The following ZFAND6 variants were observed in gnomAD, a reference collection of about 807,000 sequenced individuals.
ZFAND6 encodes the protein zinc finger AN1-type containing 6, also known as AN1-type zinc finger protein 6.
In ZFAND6, 12 loss-of-function variants were observed where a neutral mutation model predicts 24.5. The ratio of observed to expected loss-of-function variants is 0.49; its 90% confidence interval spans 0.31 to 0.79. ZFAND6 has a LOEUF of 0.79. Among genes scored for constraint, ZFAND6 ranks in the 30% least tolerant of loss-of-function variants. The pLI is 0.04. For missense variants in ZFAND6, 207 were observed against 245.9 expected (o/e 0.84, Z 1.06); for synonymous variants, 92 against 81.5 (o/e 1.13, Z -0.69).
intron 1 of ZFAND6, among the ~76,000 whole-genome samples, chr15:80,065,371 C>T (rs79259369): frequency 0.012 from 1,789 of 151,542 alleles, 17 homozygotes; most frequent in Non-Finnish European, 0.016. Flanking sequence ...TGATTTGGTA[C>T]CAGTGTACAC....
intron 2 of ZFAND6, among the ~76,000 whole-genome samples, chr15:80,106,934 C>T (rs560108228): frequency 2.0e-5 from 3 of 152,230 alleles, no homozygotes; most frequent in East Asian, 1.9e-4. Context: ...ATAAAAGGGC[C>T]GGGCGCAGTG....
rs373658028 is a variant in ZFAND6 at position 80,125,884 on chromosome 15, A to G, written c.364+3084A>G. 3.0e-4 allele frequency among the ~76,000 whole-genome samples: 45 copies of G among 152,228 alleles called. 1 individual carries two copies. The highest frequency in any genetic ancestry group is 2.6e-4 in the Admixed American group (4 of 15,290). ...TCATTACTCTTAAAAGAGAATAAGA[A>G]TGTCCCTCTTACAGGGTATTAAAAG... On this transcript the variant is annotated intron_variant, in intron 5 of 6. Transcript: ENST00000261749.
chr15:80,074,438 C>G (rs2037150696), intron 1 of ZFAND6, among the ~76,000 whole-genome samples: 3 of 151,612 alleles, frequency 2.0e-5, no homozygotes, highest in Admixed American at 2.0e-4. Flanking sequence ...ATATCAGAAA[C>G]ATTTTTAGGA....
intron 1 of ZFAND6, among the ~76,000 whole-genome samples, chr15:80,065,296 G>C (rs551336686): frequency 4.6e-4 from 70 of 150,670 alleles, no homozygotes; most frequent in African/African-American, 1.7e-3. Context: ...TTGAAATAAA[G>C]CTGCCTTTAT....
rs1334599323 is a variant in ZFAND6 at position 80,065,036 on chromosome 15, A to T, written c.-181+5227A>T. Among the ~76,000 whole-genome samples the T allele has an allele frequency of 2.7e-5, 4 of 149,542 alleles. No homozygotes were observed. The East Asian group carries it at 7.8e-4, about 29-fold the overall frequency. On this transcript the variant is annotated intron_variant, in intron 1 of 6. Transcript: ENST00000261749. ...TTTTTTTTTTTTAACAAAACAAAAA[A>T]ACAGGCAAGGGTTTTTACTTTTTAA...
At chr15:80,120,024 T>G (rs1225198371) in intron 2 of ZFAND6, among the ~76,000 whole-genome samples, 1 of 152,212 alleles carries the variant, frequency 6.6e-6, no homozygotes, top group Non-Finnish European at 1.5e-5. Flanking sequence ...CTAGACTTAA[T>G]AAGTTATCCT....
intron 1 of ZFAND6, among the ~76,000 whole-genome samples, chr15:80,069,563 C>T (rs1288557609): frequency 6.6e-6 from 1 of 152,086 alleles, no homozygotes; most frequent in Non-Finnish European, 1.5e-5. Flanking sequence ...AGAGATACAC[C>T]AGGAATTGCA....
intron 5 of ZFAND6, among the ~76,000 whole-genome samples, chr15:80,127,816 G>A (rs1209583157): frequency 6.6e-6 from 1 of 152,108 alleles, no homozygotes; most frequent in Admixed American, 6.5e-5. Context: ...AAAAAGAATT[G>A]TCATATGACC....
At chr15:80,091,667 C>A in intron 1 of ZFAND6, among the ~76,000 whole-genome samples, 1 of 151,814 alleles carries the variant, frequency 6.6e-6, no homozygotes, top group African/African-American at 2.4e-5. Context: ...GAGACAGGAT[C>A]TTGCTCTTGT....
intron 6 of ZFAND6, among the ~76,000 whole-genome samples, chr15:80,131,766 T>C (rs1332256533): frequency 6.6e-6 from 1 of 152,174 alleles, no homozygotes; most frequent in Non-Finnish European, 1.5e-5. Context: ...CAGATGCAGA[T>C]GGTGGTGGGA....
rs140614607 is a variant in ZFAND6, at chr15:80,116,531, C to A, written c.-17-3797C>A. Among the ~76,000 whole-genome samples the A allele has an allele frequency of 2.5e-3, 373 of 152,230 alleles. 4 individuals carry two copies. Among genetic ancestry groups the A allele is most frequent in the African/African-American group, 8.4e-3 (347 of 41,530 alleles). On this transcript the variant is annotated intron_variant, in intron 2 of 6. Coordinates refer to ENST00000261749, the MANE Select transcript of ZFAND6 (RefSeq NM_019006.4). ...AAAAGTCTGCCTTAATAACAACATT[C>A]TAGTAGTTGCTTTGGCATTCAATCT...
At chr15:80,080,198 T>C (rs184661240) in intron 1 of ZFAND6, among the ~76,000 whole-genome samples, 3 of 152,132 alleles carry the variant, frequency 2.0e-5, no homozygotes, top group South Asian at 4.1e-4. Flanking sequence ...GGTTTCACCA[T>C]GTTGGCCAGG....
intron 1 of ZFAND6, among the ~76,000 whole-genome samples, chr15:80,062,475 A>G (rs1360168128): frequency 6.6e-6 from 1 of 152,216 alleles, no homozygotes; most frequent in Non-Finnish European, 1.5e-5. Flanking sequence ...CACAGCGACA[A>G]ATTAGGGAAT....
chr15:80,132,541 A>G (rs571952824), intron 6 of ZFAND6, among the ~76,000 whole-genome samples: 16 of 152,280 alleles, frequency 1.1e-4, no homozygotes, highest in African/African-American at 3.1e-4. Context: ...GCCACCTCCT[A>G]TTGCTATTGC....
chr15:80,111,515 T>C (rs1246167951), intron 2 of ZFAND6: 3 of 455,990 alleles, frequency 6.6e-6, no homozygotes. Flanking sequence ...AATCAGAAGT[T>C]TTCTAGAATC....
At chr15:80,095,586 T>C (rs1343788683) in intron 1 of ZFAND6, among the ~76,000 whole-genome samples, 1 of 152,240 alleles carries the variant, frequency 6.6e-6, no homozygotes, top group Non-Finnish European at 1.5e-5. Context: ...AATTCAGATA[T>C]TTAATGGATT....
chr15:80,089,259 G>GTTTTTTTT lies in ZFAND6; in HGVS notation c.-180-9139_-180-9132dup, dbSNP rs71453501. ...TCTGTCTTCGTGTGTGAGTGTGTGTGTTTTTTTTTTTTTTTTTTTTTTTTT... is the reference window on the plus strand; with the variant it reads ...TCTGTCTTCGTGTGTGAGTGTGTGTGTTTTTTTTTTTTTTTTTTTTTTTTTTTTTTTTT... On this transcript the variant is annotated intron_variant, in intron 1 of 6. Transcript: ENST00000261749. Among the ~76,000 whole-genome samples the GTTTTTTTT allele has an allele frequency of 4.7e-4, 29 of 61,104 alleles. 1 individual carries two copies. Among genetic ancestry groups the GTTTTTTTT allele is most frequent in the Non-Finnish European group, 5.3e-4 (19 of 35,554 alleles). 40.1% of individuals were successfully genotyped at this position (61,104 alleles called of 152,430 possible). A position where few individuals can be genotyped will look rare whatever the true frequency, so the allele number is the denominator to read the frequency against.
intron 6 of ZFAND6, among the ~76,000 whole-genome samples, chr15:80,134,430 T>G (rs913704695): frequency 1.3e-5 from 2 of 152,208 alleles, no homozygotes; most frequent in Non-Finnish European, 2.9e-5. Context: ...GTAAAGACCT[T>G]TCAGGCTCAT....
chr15:80,080,164 A>G (rs1169603145), intron 1 of ZFAND6, among the ~76,000 whole-genome samples: 1 of 151,588 alleles, frequency 6.6e-6, no homozygotes, highest in Admixed American at 6.6e-5. Context: ...TGACCAGCTA[A>G]TTTTTGTATT....
Sources: gnomAD v4.1 joint callset for allele counts (sites outside exome capture counted in the v4.1 genomes callset) on GRCh38, gnomAD v4.1.1 for gene constraint, MANE v1.5 for transcripts, NCBI Gene and HGNC (gene_info 2026-07-23, HGNC 2026-07-21) for gene names.